CDH12: variants seen among roughly 807,000 people sequenced by gnomAD.
The protein encoded by CDH12 is cadherin 12, also known as cadherin-12.
Under a neutral mutation model 74.1 loss-of-function variants are expected in CDH12, and 41 were observed. The observed-to-expected ratio is 0.55, with a 90% CI of 0.43 to 0.72. The LOEUF (loss-of-function observed/expected upper bound fraction) is 0.72. Ranked by LOEUF, CDH12 falls within the 30% of genes least tolerant of loss-of-function variation. The pLI is 0.00. For missense variants in CDH12, 945 were observed against 977.2 expected (o/e 0.97, Z 0.44); for synonymous variants, 399 against 355.0 (o/e 1.12, Z -1.39).
intron 1 of CDH12, among the ~76,000 whole-genome samples, chr5:22,615,893 C>G (rs1277309450): frequency 1.3e-5 from 2 of 151,994 alleles, no homozygotes; most frequent in African/African-American, 2.4e-5. Flanking sequence ...ACACTGAAAT[C>G]TTTGGGTAAA....
At chr5:22,787,926 G>T (rs778360758) in intron 1 of CDH12, among the ~76,000 whole-genome samples, 7 of 152,150 alleles carry the variant, frequency 4.6e-5, no homozygotes, top group Non-Finnish European at 7.4e-5. Flanking sequence ...TAATCTTAGA[G>T]ATGACATACC....
At chr5:21,819,072 A>T (rs114124147) in intron 8 of CDH12, among the ~76,000 whole-genome samples, 3,219 of 152,160 alleles carry the variant, frequency 0.021, 57 homozygotes, top group Admixed American at 0.029. Context: ...GAAGAAAAAC[A>T]AAAGAATGGG....
intron 1 of CDH12, among the ~76,000 whole-genome samples, chr5:22,611,713 C>G (rs555247193): frequency 6.6e-6 from 1 of 152,248 alleles, no homozygotes; most frequent in South Asian, 2.1e-4. Flanking sequence ...GACTGCATGC[C>G]TATCACCCAG....
At chr5:22,138,236 T>C (rs1746570498) in intron 4 of CDH12, among the ~76,000 whole-genome samples, 1 of 152,028 alleles carries the variant, frequency 6.6e-6, no homozygotes, top group Non-Finnish European at 1.5e-5. Flanking sequence ...GTGTTGCAGC[T>C]TGGCTCAGCA....
At chr5:21,908,222 T>G (rs1383660038) in intron 6 of CDH12, among the ~76,000 whole-genome samples, 1 of 152,098 alleles carries the variant, frequency 6.6e-6, no homozygotes, top group Non-Finnish European at 1.5e-5. Context: ...CCAGAGCAAT[T>G]GGGAATTTGG....
rs538349446 is a variant in CDH12 at position 22,656,472 on chromosome 5, A to G, written c.-522-151108T>C. Among the ~76,000 whole-genome samples the G allele has an allele frequency of 2.6e-3, 397 of 152,358 alleles. 1 individual carries two copies. Among genetic ancestry groups the G allele is most frequent in the Non-Finnish European group, 5.2e-3 (352 of 68,030 alleles). On this transcript the variant is annotated intron_variant, in intron 1 of 14. Transcript: ENST00000382254. ...CAAATTAAGACAAAAAGGAGATATCACTGTATGAGCATAGACATAGTGGAG... is the reference window on the plus strand; with the variant it reads ...CAAATTAAGACAAAAAGGAGATATCGCTGTATGAGCATAGACATAGTGGAG...
intron 2 of CDH12, among the ~76,000 whole-genome samples, chr5:22,435,286 A>C (rs944011736): frequency 2.6e-5 from 4 of 151,998 alleles, no homozygotes; most frequent in African/African-American, 9.7e-5. Context: ...TCGGACTCCA[A>C]GTTCTTCAGC....
intron 5 of CDH12, among the ~76,000 whole-genome samples, chr5:21,998,488 A>T (rs1580089242): frequency 6.6e-6 from 1 of 152,236 alleles, no homozygotes; most frequent in East Asian, 1.9e-4. Context: ...GGACACAAAT[A>T]GTTCCCTGCT....
intron 8 of CDH12, among the ~76,000 whole-genome samples, chr5:21,823,170 A>G (rs73054945): frequency 1.3e-5 from 2 of 152,098 alleles, no homozygotes; most frequent in African/African-American, 2.4e-5. Flanking sequence ...ATCACACAAA[A>G]AAGTAAAATA....
At chr5:22,838,578 T>G (rs1581050913) in intron 1 of CDH12, among the ~76,000 whole-genome samples, 2 of 152,030 alleles carry the variant, frequency 1.3e-5, no homozygotes, top group Middle Eastern at 6.8e-3. Flanking sequence ...TAGCAACACC[T>G]CCATTAAAGG....
At position 22,154,554 on chromosome 5, in the gene CDH12, C is replaced by T. The variant is rs141962868; in HGVS notation, c.-187+57944G>A. 1.6e-3 allele frequency among the ~76,000 whole-genome samples: 245 copies of T among 148,554 alleles called. 2 individuals carry two copies. Among genetic ancestry groups the T allele is most frequent in the African/African-American group, 6.0e-3 (239 of 40,104 alleles). On this transcript the variant is annotated intron_variant, in intron 4 of 14. Coordinates refer to ENST00000382254, the MANE Select transcript of CDH12 (RefSeq NM_004061.5). ...ATATGTATATATGTATATGTGTACA[C>T]ATATATATACACATATGTATATATG...
At chr5:22,070,811 G>A (rs2075098036) in intron 5 of CDH12, among the ~76,000 whole-genome samples, 1 of 152,162 alleles carries the variant, frequency 6.6e-6, no homozygotes, top group South Asian at 2.1e-4. Flanking sequence ...AAAGAAACAA[G>A]ATCATGTCCT....
rs371486568 is a variant in CDH12 at position 21,840,538 on chromosome 5, G to T, written c.814+1623C>A. ...TTCATATGGAACCAAAAAAGAGCCC[G>T]CATCGCCAAGCCAATCCTAAGCCAA... is the stretch of plus-strand genomic sequence containing the variant. On this transcript the variant is annotated intron_variant, in intron 8 of 14. Transcript: ENST00000382254. Among the ~76,000 whole-genome samples the T allele has an allele frequency of 2.4e-3, 361 of 151,646 alleles. 1 individual carries two copies. The highest frequency in any genetic ancestry group is 8.4e-3 in the African/African-American group (347 of 41,342).
chr5:21,931,553 GCATAATAAA>G (rs1265426733), intron 6 of CDH12, among the ~76,000 whole-genome samples: 3 of 152,082 alleles, frequency 2.0e-5, no homozygotes, highest in Non-Finnish European at 2.9e-5. Context: ...TTTTTTCAAT[GCATAATAAA>G]TCTGCCCAAG....
At chr5:22,259,108 T>C (rs1185813856) in intron 3 of CDH12, among the ~76,000 whole-genome samples, 1 of 152,186 alleles carries the variant, frequency 6.6e-6, no homozygotes, top group Non-Finnish European at 1.5e-5. Context: ...CAGTGAGTAC[T>C]GGACTTGTCT....
chr5:22,645,429 G>T (rs1282937798), intron 1 of CDH12, among the ~76,000 whole-genome samples: 1 of 152,028 alleles, frequency 6.6e-6, no homozygotes, highest in Admixed American at 6.6e-5. Context: ...GCTGAAATCT[G>T]CTGATAAAAC....
At chr5:22,755,074 G>C (rs1745819722) in intron 1 of CDH12, among the ~76,000 whole-genome samples, 1 of 152,022 alleles carries the variant, frequency 6.6e-6, no homozygotes, top group Non-Finnish European at 1.5e-5. Flanking sequence ...TGGATCTATG[G>C]ATCTTACATA....
intron 1 of CDH12, among the ~76,000 whole-genome samples, chr5:22,811,813 C>G (rs193212952): frequency 0.011 from 1,650 of 152,166 alleles, 17 homozygotes; most frequent in Non-Finnish European, 0.016. Flanking sequence ...GAAGTGGCTA[C>G]TTGAATAAGA....
chr5:22,381,602 C>A (rs1446644033), intron 3 of CDH12, among the ~76,000 whole-genome samples: 1 of 151,722 alleles, frequency 6.6e-6, no homozygotes, highest in African/African-American at 2.4e-5. Flanking sequence ...AATTGTCCAC[C>A]TATTTTCTTT....
Sources: gnomAD v4.1 joint callset for allele counts (sites outside exome capture counted in the v4.1 genomes callset) on GRCh38, gnomAD v4.1.1 for gene constraint, MANE v1.5 for transcripts, NCBI Gene and HGNC (gene_info 2026-07-23, HGNC 2026-07-21) for gene names.